PIGK: variants seen among roughly 807,000 people sequenced by gnomAD.
PIGK encodes the protein GPI-anchor transamidase.
A neutral mutation model predicts 50.6 loss-of-function variants in PIGK; 42 were observed. The observed-to-expected ratio is 0.83, with a 90% CI of 0.65 to 1.07. PIGK has a LOEUF of 1.07. Ranked by LOEUF, PIGK falls within the 50% of genes least tolerant of loss-of-function variation. PIGK has a pLI of 0.00. For missense variants in PIGK, 448 were observed against 488.7 expected (o/e 0.92, Z 0.78); for synonymous variants, 151 against 156.0 (o/e 0.97, Z 0.24).
chr1:77,096,881 CTTTTTTT>C lies in PIGK; in HGVS notation c.1072-4398_1072-4392del, dbSNP rs141858558. 5.7e-4 allele frequency among the ~76,000 whole-genome samples: 71 copies of C among 124,326 alleles called. 2 individuals carry two copies. Among genetic ancestry groups the C allele is most frequent in the Admixed American group, 4.9e-3 (63 of 12,794 alleles). The allele number at this position is 124,326 out of a possible 152,430, so 81.6% of individuals were successfully genotyped here. On this transcript the variant is annotated intron_variant, in intron 10 of 10. Transcript: ENST00000370812. ...TCCATACTTGTAGCTTCGGGTTTTT[CTTTTTTT>C]TTTTTTTTTGTTTTTTTGTTTTTTT...
intron 10 of PIGK, among the ~76,000 whole-genome samples, chr1:77,095,808 G>A (rs1457782660): frequency 6.6e-6 from 1 of 152,054 alleles, no homozygotes; most frequent in East Asian, 1.9e-4. Context: ...CTAAGAACCA[G>A]TCACTTGGAA....
chr1:77,101,940 G>C lies in PIGK; in HGVS notation c.1072-9450C>G, dbSNP rs548441575. Among the ~76,000 whole-genome samples the C allele has an allele frequency of 2.1e-3, 318 of 152,272 alleles. 3 individuals are homozygous for C. The highest frequency in any genetic ancestry group is 2.0e-3 in the Non-Finnish European group (139 of 68,024). Reference sequence around the variant, plus strand: ...AATCACTTGAACCCAGGAGGCGGAGGCTGCAGTGAGCTGAGATGGTGCCAC... The same window carrying C: ...AATCACTTGAACCCAGGAGGCGGAGCCTGCAGTGAGCTGAGATGGTGCCAC... On this transcript the variant is annotated intron_variant, in intron 10 of 10. Coordinates refer to ENST00000370812, the MANE Select transcript of PIGK (RefSeq NM_005482.3).
chr1:77,129,294 C>T lies in PIGK; in HGVS notation c.987-6935G>A, dbSNP rs552139934. 370 of 1,605,286 alleles carry T rather than the reference C, an allele frequency of 2.3e-4. 6 individuals carry two copies. In the South Asian group the frequency reaches 3.3e-3, roughly 15 times the overall value. ...TTTACAGAAACAGTGTGTACCATTC[C>T]GACGTTACAATGGTGGAGTTGGCAG... On this transcript the variant is annotated intron_variant, in intron 9 of 10. Coordinates refer to ENST00000370812, the MANE Select transcript of PIGK (RefSeq NM_005482.3).
chr1:77,107,521 T>G (rs1653717117), intron 10 of PIGK, among the ~76,000 whole-genome samples: 1 of 152,216 alleles, frequency 6.6e-6, no homozygotes, highest in Non-Finnish European at 1.5e-5. Context: ...ATGTGGTCAA[T>G]GTTGGAATAA....
intron 9 of PIGK, among the ~76,000 whole-genome samples, chr1:77,134,810 C>T (rs1345932796): frequency 1.3e-5 from 2 of 152,128 alleles, no homozygotes; most frequent in Non-Finnish European, 2.9e-5. Flanking sequence ...TTGTACACTA[C>T]TACTTTTGAT....
chr1:77,213,247 T>C (rs535830632), intron 1 of PIGK, among the ~76,000 whole-genome samples: 8 of 152,274 alleles, frequency 5.3e-5, no homozygotes, highest in South Asian at 4.2e-4. Flanking sequence ...CTTCCAACAA[T>C]GGCAGATTAC....
At chr1:77,173,263 T>C (rs1162870879) in intron 3 of PIGK, among the ~76,000 whole-genome samples, 1 of 152,212 alleles carries the variant, frequency 6.6e-6, no homozygotes, top group African/African-American at 2.4e-5. Flanking sequence ...ATTAGTCTCA[T>C]CTACGGATGC....
At chr1:77,210,236 G>A (rs796311694) in intron 2 of PIGK, among the ~76,000 whole-genome samples, 200 bp downstream of exon 2, 12 of 151,930 alleles carry the variant, frequency 7.9e-5, no homozygotes, top group African/African-American at 2.4e-4. Flanking sequence ...ATCACCACTT[G>A]ACAGATATTC....
At chr1:77,186,142 A>G (rs1258029613) in intron 3 of PIGK, among the ~76,000 whole-genome samples, 1 of 152,070 alleles carries the variant, frequency 6.6e-6, no homozygotes, top group African/African-American at 2.4e-5. Context: ...TATGGTCTCC[A>G]CTCTTGCCAC....
intron 10 of PIGK, among the ~76,000 whole-genome samples, chr1:77,102,081 C>A (rs951294022): frequency 1.3e-5 from 2 of 152,140 alleles, no homozygotes; most frequent in Non-Finnish European, 2.9e-5. Flanking sequence ...TCCAATTGGG[C>A]AAAGTAACTA....
Position 77,203,492 on chromosome 1 carries a change from GCTACAGAGCA to G in PIGK, c.239+3138_239+3147del, listed in dbSNP as rs532708486. Among the ~76,000 whole-genome samples, 1,164 of 152,248 alleles carry G rather than the reference GCTACAGAGCA, an allele frequency of 7.6e-3. 4 individuals are homozygous for G. The highest frequency in any genetic ancestry group is 0.012 in the Admixed American group (186 of 15,294). On this transcript the variant is annotated intron_variant, in intron 3 of 10. Transcript: ENST00000370812. ...TAGATAAGAAACTGGTCATACTCGA[GCTACAGAGCA>G]CTTATGAGGGTCTTATGAGTGTATC...
intron 6 of PIGK, 65 bp from the exon 7 acceptor site, chr1:77,161,776 C>T: frequency 1.3e-6 from 1 of 751,650 alleles, no homozygotes; most frequent in Non-Finnish European, 2.4e-6. Context: ...AATATTTCTA[C>T]AATACTTTTG....
At chr1:77,147,405 T>C (rs1214852376) in intron 9 of PIGK, among the ~76,000 whole-genome samples, 1 of 152,036 alleles carries the variant, frequency 6.6e-6, no homozygotes, top group South Asian at 2.1e-4. Flanking sequence ...GGAGAAAAAT[T>C]CAGACTAGGT....
chr1:77,126,613 G>C (rs538095056), intron 9 of PIGK, among the ~76,000 whole-genome samples: 11 of 152,144 alleles, frequency 7.2e-5, no homozygotes, highest in Non-Finnish European at 1.5e-4. Context: ...CCTTTGCAAG[G>C]TGTCTTCCAT....
intron 10 of PIGK, among the ~76,000 whole-genome samples, chr1:77,112,716 T>C (rs549716179): frequency 6.6e-6 from 1 of 152,180 alleles, no homozygotes; most frequent in East Asian, 1.9e-4. Flanking sequence ...CACCTTTTTT[T>C]CCCTGTACAG....
intron 9 of PIGK, among the ~76,000 whole-genome samples, chr1:77,130,268 G>T (rs1570206859): frequency 1.0e-5 from 1 of 96,914 alleles, no homozygotes; most frequent in Non-Finnish European, 1.8e-5. Flanking sequence ...TGTGATTTGG[G>T]TAGTGTGACA....
chr1:77,195,981 C>T (rs1421145785), intron 3 of PIGK, among the ~76,000 whole-genome samples: 1 of 151,818 alleles, frequency 6.6e-6, no homozygotes, highest in African/African-American at 2.4e-5. Flanking sequence ...TTTGCCATTC[C>T]CCCCAACTCT....
chr1:77,129,921 T>C (rs1336406104), intron 9 of PIGK, among the ~76,000 whole-genome samples: 4 of 151,878 alleles, frequency 2.6e-5, no homozygotes, highest in Non-Finnish European at 5.9e-5. Context: ...AGTTCCTATT[T>C]CCTTTCATCA....
At chr1:77,192,273 T>A (rs1655925929) in intron 3 of PIGK, among the ~76,000 whole-genome samples, 1 of 150,526 alleles carries the variant, frequency 6.6e-6, no homozygotes, top group Non-Finnish European at 1.5e-5. Context: ...AAATATAGAA[T>A]GAGGACTGTC....
Sources: allele counts gnomAD v4.1 joint callset (sites outside exome capture counted in the v4.1 genomes callset), GRCh38; gene constraint gnomAD v4.1.1; transcripts MANE v1.5; gene names NCBI Gene and HGNC (gene_info 2026-07-23, HGNC 2026-07-21).